PTPRN2: variants seen among roughly 807,000 people sequenced by gnomAD.
The protein encoded by PTPRN2 is protein tyrosine phosphatase receptor type N2.
PTPRN2 carries 74 observed loss-of-function variants against 118.8 expected under a neutral mutation model. The ratio of observed to expected loss-of-function variants is 0.62; its 90% CI spans 0.52 to 0.76. PTPRN2 has a LOEUF of 0.76. Among genes scored for constraint, PTPRN2 ranks in the 30% least tolerant of loss-of-function variants. The probability of loss-of-function intolerance (pLI) is 0.00; values close to 1 mark genes in which losing one functional copy is unlikely to be tolerated. For synonymous variants in PTPRN2, 641 were observed against 608.0 expected, an observed-to-expected ratio of 1.05 and a Z score of -0.80; for missense variants, 1,481 against 1,394.4, an observed-to-expected ratio of 1.06 and a Z score of -0.99.
intron 3 of PTPRN2, among the ~76,000 whole-genome samples, chr7:158,251,501 G>A (rs1218401261): frequency 3.3e-5 from 5 of 151,588 alleles, no homozygotes; most frequent in Admixed American, 6.6e-5. Context: ...GGTGTGTGCA[G>A]GTGTGCAATG....
chr7:158,177,764 G>C (rs1824346561), intron 5 of PTPRN2, among the ~76,000 whole-genome samples: 1 of 152,104 alleles, frequency 6.6e-6, no homozygotes, highest in South Asian at 2.1e-4. Context: ...AAATTTCTTT[G>C]TCCATTTCTG....
intron 3 of PTPRN2, among the ~76,000 whole-genome samples, chr7:158,236,476 A>C (rs978380625): frequency 2.6e-5 from 4 of 152,130 alleles, no homozygotes; most frequent in Non-Finnish European, 4.4e-5. Context: ...CAGAACCTCA[A>C]GCAAAGCTGC....
intron 2 of PTPRN2, 38 bp downstream of exon 2, chr7:158,489,697 G>A (rs759554531): frequency 1.3e-6 from 2 of 1,549,604 alleles, no homozygotes; most frequent in Non-Finnish European, 1.7e-6. Context: ...GCAGGAGAGG[G>A]GCAGACCAGG....
intron 5 of PTPRN2, among the ~76,000 whole-genome samples, chr7:158,189,172 G>C (rs1459742111): frequency 6.6e-6 from 1 of 152,188 alleles, no homozygotes; most frequent in Non-Finnish European, 1.5e-5. Flanking sequence ...TGTTTCTAAT[G>C]TGTGGATGTT....
At chr7:158,002,991 GAGGAGGAAAGAGCACAGGAGAGGGC>G in intron 11 of PTPRN2, among the ~76,000 whole-genome samples, 1 of 152,196 alleles carries the variant, frequency 6.6e-6, no homozygotes, top group Non-Finnish European at 1.5e-5. Context: ...GGATCCAGGG[GAGGAGGAAAGAGCACAGGAGAGGGC>G]AGGAGATGTT....
chr7:158,071,526 A>AGATGCTCGTGGTGGTGGAGG lies in PTPRN2; in HGVS notation c.1723+9771_1723+9772insCCTCCACCACCACGAGCATC, dbSNP rs1811658997. ...GGTGGAGATGCTCGTGGTGGTGGAG[A>AGATGCTCGTGGTGGTGGAGG]TGCTCGTGATGATGGAGGTGCTCCT... On this transcript the variant is annotated intron_variant, in intron 11 of 22. Coordinates refer to ENST00000389418, the MANE Select transcript of PTPRN2 (RefSeq NM_002847.5). Among the ~76,000 whole-genome samples, 11 of 63,378 alleles carry AGATGCTCGTGGTGGTGGAGG rather than the reference A, an allele frequency of 1.7e-4. 1 individual carries two copies. The highest frequency in any genetic ancestry group is 6.3e-4 in the African/African-American group (9 of 14,192). 41.6% of individuals were successfully genotyped at this position (63,378 alleles called of 152,430 possible).
chr7:157,627,387 C>T lies in PTPRN2; in HGVS notation c.2197-5878G>A, dbSNP rs950851715. 2.0e-5 allele frequency among the ~76,000 whole-genome samples: 3 copies of T among 152,210 alleles called. No individual in the cohort carries two copies. Among genetic ancestry groups the T allele is most frequent in the African/African-American group, 7.2e-5 (3 of 41,448 alleles). On this transcript the variant is annotated intron_variant, in intron 14 of 22. Transcript: ENST00000389418. The surrounding 1 kb of genome is among the most constrained non-coding windows in gnomAD (Gnocchi z 4.2). ...GCGGGATTGCACCACAATGCGTGCT[C>T]ACATCAGGAAATCCATGAAGAGTGA... is the stretch of plus-strand genomic sequence containing the variant.
At chr7:158,516,606 G>A (rs752918711) in intron 1 of PTPRN2, among the ~76,000 whole-genome samples, 6 of 150,926 alleles carry the variant, frequency 4.0e-5, no homozygotes, top group Non-Finnish European at 8.8e-5. Flanking sequence ...GCTGTTCTTG[G>A]TGCTCCTGCC....
At chr7:158,271,527 C>A (rs774826689) in intron 3 of PTPRN2, among the ~76,000 whole-genome samples, 1 of 152,166 alleles carries the variant, frequency 6.6e-6, no homozygotes, top group Non-Finnish European at 1.5e-5. Context: ...GGGGGCAACA[C>A]AGCCAAGCCC....
In PTPRN2 at chr7:157,609,784, G is replaced by C. The variant is rs1194939173; in HGVS notation, c.2345-5709C>G. ...GACACGCACCCAACTGCGCAGGTCA[G>C]CCAAGCTGGCAAAGCGTGTTCTTGC... On this transcript the variant is annotated intron_variant, in intron 15 of 22. Coordinates refer to ENST00000389418, the MANE Select transcript of PTPRN2 (RefSeq NM_002847.5). The surrounding 1 kb of genome is among the most constrained non-coding windows in gnomAD (Gnocchi z 4.9). Among the ~76,000 whole-genome samples, 2 of 152,242 alleles carry C rather than the reference G, an allele frequency of 1.3e-5. No homozygotes were observed. The highest frequency in any genetic ancestry group is 4.8e-5 in the African/African-American group (2 of 41,464).
At position 157,831,862 on chromosome 7, in the gene PTPRN2, G is replaced by T. The variant is rs541048568; in HGVS notation, c.1788+66811C>A. Reference sequence around the variant, plus strand: ...GGCCATAAAATATATGGATATTCCAGGGTTTAATTCATAGCCATCCTTAAG... The same window carrying T: ...GGCCATAAAATATATGGATATTCCATGGTTTAATTCATAGCCATCCTTAAG... On this transcript the variant is annotated intron_variant, in intron 12 of 22. Coordinates refer to ENST00000389418, the MANE Select transcript of PTPRN2 (RefSeq NM_002847.5). The surrounding 1 kb of genome is among the most constrained non-coding windows in gnomAD (Gnocchi z 4.8). 6.6e-6 allele frequency among the ~76,000 whole-genome samples: 1 copy of T among 152,348 alleles called. No homozygotes were observed. The highest frequency in any genetic ancestry group is 1.9e-4 in the East Asian group (1 of 5,188).
At chr7:157,809,881 C>T (rs1398564740) in intron 12 of PTPRN2, among the ~76,000 whole-genome samples, 1 of 152,170 alleles carries the variant, frequency 6.6e-6, no homozygotes, top group Non-Finnish European at 1.5e-5. Flanking sequence ...CCTGCTGGGC[C>T]CTGCCCATGG....
At chr7:157,984,848 T>G (rs1371717218) in intron 11 of PTPRN2, among the ~76,000 whole-genome samples, 1 of 152,232 alleles carries the variant, frequency 6.6e-6, no homozygotes, top group African/African-American at 2.4e-5. Flanking sequence ...CCCTGACTTC[T>G]GCACTAGGCC....
chr7:158,337,736 A>T (rs143586684), intron 2 of PTPRN2, among the ~76,000 whole-genome samples: 4 of 64,152 alleles, frequency 6.2e-5, no homozygotes, highest in African/African-American at 1.2e-4. Context: ...GTCACTCACA[A>T]CCACACTCTC....
chr7:158,386,299 G>A (rs1369503893), intron 2 of PTPRN2, among the ~76,000 whole-genome samples: 15 of 95,346 alleles, frequency 1.6e-4, no homozygotes, highest in East Asian at 3.3e-4. Context: ...CCCTCCTCCC[G>A]TGCCCCGAGT....
In PTPRN2 at chr7:157,801,890, A is replaced by C. The variant is rs1585507723; in HGVS notation, c.1788+96783T>G. On this transcript the variant is annotated intron_variant, in intron 12 of 22. Transcript: ENST00000389418. This position sits in a 1 kb window ranked among gnomAD's most constrained non-coding sequence, Gnocchi z 4.2. ...GAAAACAACACAGATTTATTCTCTC[A>C]CAGGAGGCCACGGTCCAGATGGGTT... Among the ~76,000 whole-genome samples the C allele has an allele frequency of 6.6e-6, 1 of 152,116 alleles. No homozygotes were observed. The highest frequency in any genetic ancestry group is 1.5e-5 in the Non-Finnish European group (1 of 68,016).
At position 157,587,270 on chromosome 7, in the gene PTPRN2, A is replaced by ACAGG. The variant is rs1181672135; in HGVS notation, c.2496+7964_2496+7967dup. On this transcript the variant is annotated intron_variant, in intron 17 of 22. Transcript: ENST00000389418. This position sits in a 1 kb window ranked among gnomAD's most constrained non-coding sequence, Gnocchi z 5.3. ...GACAGGCAGACAGACAGGCAGACAA[A>ACAGG]CAGGCAGACAGGCAGACGAGCCACT... 1.1e-4 allele frequency among the ~76,000 whole-genome samples: 14 copies of ACAGG among 133,314 alleles called. No homozygotes were observed. The highest frequency in any genetic ancestry group is 4.2e-4 in the African/African-American group (13 of 31,214). 87.5% of individuals were successfully genotyped at this position (133,314 alleles called of 152,430 possible).
chr7:157,769,402 G>A (rs964024156), intron 12 of PTPRN2, among the ~76,000 whole-genome samples: 3 of 151,936 alleles, frequency 2.0e-5, no homozygotes, highest in Admixed American at 6.6e-5. Flanking sequence ...CCTCATTGTC[G>A]GGGGGGCAGT....
intron 6 of PTPRN2, among the ~76,000 whole-genome samples, chr7:158,142,675 A>T (rs955490757): frequency 6.6e-6 from 1 of 152,146 alleles, no homozygotes; most frequent in South Asian, 2.1e-4. Flanking sequence ...GCATTCACTG[A>T]TGGAATGCTA....
Sources: gnomAD v4.1 joint callset for allele counts (sites outside exome capture counted in the v4.1 genomes callset) on GRCh38, gnomAD v4.1.1 for gene constraint, Gnocchi (gnomAD v3.1) non-coding constraint, MANE v1.5 for transcripts, NCBI Gene and HGNC (gene_info 2026-07-23, HGNC 2026-07-21) for gene names.